CALN1: variants seen among roughly 807,000 people sequenced by gnomAD.
CALN1 encodes calneuron 1.
A neutral mutation model predicts 30.6 loss-of-function variants in CALN1; 17 were observed. That is an observed-to-expected ratio of 0.56 (90% CI 0.38 to 0.83). The LOEUF is 0.83. CALN1 is among the 40% of genes least tolerant of loss of function. The pLI is 0.00. For synonymous variants in CALN1, 156 were observed against 131.4 expected (o/e 1.19, Z -1.28); for missense variants, 291 against 354.9 (o/e 0.82, Z 1.45).
intron 2 of CALN1, among the ~76,000 whole-genome samples, chr7:72,396,178 CTT>C (rs1403431931): frequency 7.1e-6 from 1 of 140,338 alleles, no homozygotes; most frequent in Non-Finnish European, 1.5e-5. Context: ...AGGCAGATCA[CTT>C]AAAGTCAGGA....
chr7:72,144,757 A>C lies in CALN1; in HGVS notation c.245-38463T>G, dbSNP rs1810221550. ...TCCTCAGCAAATGTAAAAGAACAGA[A>C]ATTATAACAAACTGTCTCTCAGACC... On this transcript the variant is annotated intron_variant, in intron 3 of 6. Transcript: ENST00000395275. 2.0e-5 allele frequency among the ~76,000 whole-genome samples: 3 copies of C among 152,336 alleles called. No individual in the cohort carries two copies. The South Asian group carries it at 6.2e-4, about 32-fold the overall frequency.
intron 2 of CALN1, among the ~76,000 whole-genome samples, chr7:72,344,561 T>C (rs548765416): frequency 6.8e-6 from 1 of 147,550 alleles, no homozygotes; most frequent in African/African-American, 2.5e-5. Context: ...TAAATATATA[T>C]ATATATTTAT....
chr7:72,369,283 T>C (rs1029920036), intron 2 of CALN1, among the ~76,000 whole-genome samples: 2 of 148,158 alleles, frequency 1.3e-5, no homozygotes, highest in African/African-American at 2.5e-5. Context: ...GTTATATACA[T>C]ATAAAATATA....
chr7:71,856,083 T>G (rs1469170407), intron 5 of CALN1, among the ~76,000 whole-genome samples: 1 of 151,856 alleles, frequency 6.6e-6, no homozygotes, highest in Non-Finnish European at 1.5e-5. Context: ...TATGAATATA[T>G]TAAAGATATG....
At chr7:72,341,208 G>A (rs1163613758) in intron 2 of CALN1, among the ~76,000 whole-genome samples, 2 of 152,146 alleles carry the variant, frequency 1.3e-5, no homozygotes, top group African/African-American at 2.4e-5. Context: ...ACACTTTCTA[G>A]ATGACAACCA....
At chr7:71,833,642 A>ATCC (rs34983245) in intron 5 of CALN1, among the ~76,000 whole-genome samples, 18,104 of 151,954 alleles carry the variant, frequency 0.12, 1,391 homozygotes, top group Non-Finnish European at 0.17. Context: ...ACAGTGATGA[A>ATCC]TGCCTGGAAT....
At position 72,228,824 on chromosome 7, in the gene CALN1, C is replaced by G. The variant is rs547479185; in HGVS notation, c.244+49862G>C. Among the ~76,000 whole-genome samples, 82 of 151,600 alleles carry G rather than the reference C, an allele frequency of 5.4e-4. 1 individual carries two copies. Among genetic ancestry groups the G allele is most frequent in the Non-Finnish European group, 1.1e-3 (77 of 67,914 alleles). ...TAGTCCAGGCTGGAGTGCACTGATG[C>G]AATCATAGCTCACTGCAACCTCAAC... On this transcript the variant is annotated intron_variant, in intron 3 of 6. Coordinates refer to ENST00000395275, the MANE Select transcript of CALN1 (RefSeq NM_031468.4).
At chr7:72,047,251 AAAG>A (rs1460772906) in intron 4 of CALN1, among the ~76,000 whole-genome samples, 3 of 152,174 alleles carry the variant, frequency 2.0e-5, no homozygotes, top group East Asian at 1.9e-4. Context: ...AGCCTTCCAC[AAAG>A]AAGATTTGTC....
chr7:71,870,079 T>A (rs917876725), intron 5 of CALN1, among the ~76,000 whole-genome samples: 20 of 152,264 alleles, frequency 1.3e-4, no homozygotes, highest in Non-Finnish European at 2.9e-4. Flanking sequence ...CTATAATATT[T>A]TATTTGTTAA....
At chr7:72,160,421 G>A (rs1040994896) in intron 3 of CALN1, among the ~76,000 whole-genome samples, 6 of 151,948 alleles carry the variant, frequency 3.9e-5, no homozygotes, top group African/African-American at 1.4e-4. Context: ...TGGGATTACA[G>A]GCATGCGCCA....
chr7:72,386,335 T>G (rs942468171), intron 2 of CALN1, among the ~76,000 whole-genome samples: 3 of 152,210 alleles, frequency 2.0e-5, no homozygotes, highest in African/African-American at 7.2e-5. Flanking sequence ...ACAAACTCAC[T>G]GAAGGGGTTC....
rs892381310 is a variant in CALN1, at chr7:71,966,488, C to T, written c.501+57169G>A. Among the ~76,000 whole-genome samples the T allele has an allele frequency of 3.2e-4, 49 of 152,078 alleles. 1 individual carries two copies. The highest frequency in any genetic ancestry group is 1.1e-3 in the African/African-American group (45 of 41,406). ...TCCTCTTGATAGTGAGTTCTCATGA[C>T]ATCTGGTCATTTAAAAGTGTGTGGC... On this transcript the variant is annotated intron_variant, in intron 5 of 6. Coordinates refer to ENST00000395275, the MANE Select transcript of CALN1 (RefSeq NM_031468.4).
intron 3 of CALN1, among the ~76,000 whole-genome samples, chr7:72,174,662 T>C (rs1359148306): frequency 6.6e-6 from 1 of 152,188 alleles, no homozygotes; most frequent in African/African-American, 2.4e-5. Flanking sequence ...GTATATATAT[T>C]GTATGATCAC....
At chr7:72,242,178 G>A (rs558669220) in intron 3 of CALN1, among the ~76,000 whole-genome samples, 2 of 152,200 alleles carry the variant, frequency 1.3e-5, no homozygotes, top group South Asian at 4.1e-4. Context: ...TATCTTCAAG[G>A]TGCACCCATG....
intron 2 of CALN1, among the ~76,000 whole-genome samples, chr7:72,397,714 T>TCACACACACACACACA (rs3138810): frequency 0.027 from 3,802 of 142,800 alleles, 109 homozygotes; most frequent in East Asian, 0.092. Flanking sequence ...CCATTCTCTC[T>TCACACACACACACACA]CACACACACA....
chr7:72,362,493 G>A (rs1803630270), intron 2 of CALN1, among the ~76,000 whole-genome samples: 1 of 152,110 alleles, frequency 6.6e-6, no homozygotes, highest in African/African-American at 2.4e-5. Flanking sequence ...TCTGGTCTGG[G>A]TACCACGCTA....
intron 4 of CALN1, among the ~76,000 whole-genome samples, chr7:72,071,751 C>T (rs1804409797): frequency 6.6e-6 from 1 of 152,160 alleles, no homozygotes; most frequent in Non-Finnish European, 1.5e-5. Context: ...AAGTATGGTC[C>T]ATTCAAAGGA....
At chr7:72,133,119 G>A (rs577201103) in intron 3 of CALN1, among the ~76,000 whole-genome samples, 9 of 152,030 alleles carry the variant, frequency 5.9e-5, no homozygotes, top group Middle Eastern at 3.4e-3. Flanking sequence ...ACCAGACCCC[G>A]GTGCCAAAAA....
chr7:72,011,342 C>T (rs1800070518), intron 5 of CALN1, among the ~76,000 whole-genome samples: 1 of 152,106 alleles, frequency 6.6e-6, no homozygotes, highest in Admixed American at 6.5e-5. Context: ...GCCCACTGAC[C>T]AGAGAGTCAG....
Sources: gnomAD v4.1 joint callset for allele counts (sites outside exome capture counted in the v4.1 genomes callset) on GRCh38, gnomAD v4.1.1 for gene constraint, MANE v1.5 for transcripts, NCBI Gene and HGNC (gene_info 2026-07-23, HGNC 2026-07-21) for gene names.